The following RAB6A variants were observed in gnomAD, a reference collection of about 807,000 sequenced individuals.
The protein encoded by RAB6A is RAB6A, member RAS oncogene family, also known as ras-related protein Rab-6A.
In RAB6A, 8 loss-of-function variants were observed where a neutral mutation model predicts 32.3. The ratio of observed to expected loss-of-function variants is 0.25; its 90% CI spans 0.15 to 0.45. The LOEUF (loss-of-function observed/expected upper bound fraction) is 0.45, where lower values mean the gene tolerates loss of function less well. Among genes scored for constraint, RAB6A ranks in the 20% least tolerant of loss-of-function variants. The probability of loss-of-function intolerance (pLI) is 1.00; values close to 1 mark genes in which losing one functional copy is unlikely to be tolerated. For missense variants in RAB6A, 104 were observed against 249.4 expected, an observed-to-expected ratio of 0.42 and a Z score of 3.93; for synonymous variants, 73 against 82.1, an observed-to-expected ratio of 0.89 and a Z score of 0.60.
At chr11:73,760,165 G>T (rs1565385348) in intron 1 of RAB6A, 1 of 1,211,320 alleles carries the variant, frequency 8.3e-7, no homozygotes, top group Admixed American at 2.3e-5. Flanking sequence ...TTCCCTGAGT[G>T]GGCCTCACAG....
rs539361104 is a variant in RAB6A at position 73,725,474 on chromosome 11, G to T, written c.130-4575C>A. ...AGACTGGGTAATTTATAAAGAAAAG[G>T]AGGTTTAATGGACTTGCAGTTCCAC... On this transcript the variant is annotated intron_variant, in intron 2 of 7. Transcript: ENST00000336083. Among the ~76,000 whole-genome samples, 8 of 152,338 alleles carry T rather than the reference G, an allele frequency of 5.3e-5. No homozygotes were observed. The East Asian group carries it at 1.3e-3, about 26-fold the overall frequency.
intron 1 of RAB6A, among the ~76,000 whole-genome samples, chr11:73,732,797 C>T (rs1946337058): frequency 6.6e-6 from 1 of 151,906 alleles, no homozygotes; most frequent in African/African-American, 2.4e-5. Context: ...AGGCAGCTAT[C>T]CTTTCTCCTC....
chr11:73,743,053 C>T (rs529311470), intron 1 of RAB6A, among the ~76,000 whole-genome samples: 1 of 152,154 alleles, frequency 6.6e-6, no homozygotes, highest in Admixed American at 6.5e-5. Context: ...CCTGTAATCC[C>T]AGCACTTTGG....
At position 73,727,911 on chromosome 11, in the gene RAB6A, G is replaced by A. The variant is rs571421730; in HGVS notation, c.129+2854C>T. Among the ~76,000 whole-genome samples, 153 of 152,228 alleles carry A rather than the reference G, an allele frequency of 1.0e-3. 1 individual carries two copies. Among genetic ancestry groups the A allele is most frequent in the Non-Finnish European group, 6.5e-4 (44 of 68,002 alleles). ...TCTATAGAATGACAAATGAAATCAA[G>A]TTTTTATGCTAACTACAATACATAT... On this transcript the variant is annotated intron_variant, in intron 2 of 7. Coordinates refer to ENST00000336083, the MANE Select transcript of RAB6A (RefSeq NM_198896.2).
intron 3 of RAB6A, among the ~76,000 whole-genome samples, chr11:73,720,089 G>C (rs979841692): frequency 2.6e-5 from 4 of 151,890 alleles, no homozygotes; most frequent in Non-Finnish European, 4.4e-5. Context: ...CTCTTCAAGG[G>C]GTAGTGGGCT....
chr11:73,743,214 A>T (rs1434296830), intron 1 of RAB6A, among the ~76,000 whole-genome samples: 3 of 151,512 alleles, frequency 2.0e-5, no homozygotes, highest in Non-Finnish European at 4.4e-5. Context: ...CTGAGGCAGG[A>T]GAACTACTTG....
intron 6 of RAB6A, among the ~76,000 whole-genome samples, chr11:73,702,737 A>C (rs906067146): frequency 6.6e-6 from 1 of 152,234 alleles, no homozygotes; most frequent in Middle Eastern, 3.2e-3. Flanking sequence ...ACATATTTCC[A>C]TATCTTCATT....
At chr11:73,730,333 T>C (rs1422071812) in intron 2 of RAB6A, 1 of 154,058 alleles carries the variant, frequency 6.5e-6, no homozygotes, top group African/African-American at 2.4e-5. Flanking sequence ...TGTGATTTCA[T>C]CTTTGACATT....
At chr11:73,727,859 C>A (rs1565367939) in intron 2 of RAB6A, among the ~76,000 whole-genome samples, 1 of 152,036 alleles carries the variant, frequency 6.6e-6, no homozygotes, top group Admixed American at 6.5e-5. Flanking sequence ...AAAGACAAAG[C>A]AATTGAAATC....
At chr11:73,759,791 G>A (rs1250511548) in intron 1 of RAB6A, among the ~76,000 whole-genome samples, 1 of 152,172 alleles carries the variant, frequency 6.6e-6, no homozygotes, top group Non-Finnish European at 1.5e-5. Context: ...ATAGCATCTG[G>A]CAGAGATTGA....
In RAB6A at chr11:73,679,673, C is replaced by T. The variant is rs1945323246; in HGVS notation, c.543G>A (p.Gln181=). 1.2e-6 allele frequency: 2 copies of T among 1,613,968 alleles called. No homozygotes were observed. The highest frequency in any genetic ancestry group is 1.1e-5 in the South Asian group (1 of 91,088). ...GGATACTATCTTCTCTGCTTCTGTC[C>T]TGTGTGCTTTCCATTCCCGGCAAAG... The part of the protein sequence containing the change: ...AAALPGMEST[Q]DRSREDMIDI... Residue 181 remains glutamine (Q), a synonymous_variant, in exon 7 of 8, where the codon CAG becomes CAA. Transcript: ENST00000336083.
At chr11:73,740,584 AT>A (rs199888232) in intron 1 of RAB6A, among the ~76,000 whole-genome samples, 2 of 147,052 alleles carry the variant, frequency 1.4e-5, no homozygotes, top group Non-Finnish European at 3.0e-5. Flanking sequence ...CCTAAAGTTA[AT>A]TTAAAAAAAA....
At chr11:73,711,019 A>G (rs917860336) in intron 5 of RAB6A, among the ~76,000 whole-genome samples, 1 of 151,886 alleles carries the variant, frequency 6.6e-6, no homozygotes, top group Non-Finnish European at 1.5e-5. Context: ...ACTAATTGGG[A>G]CTCAAAGGCT....
intron 1 of RAB6A, chr11:73,759,932 C>A (rs749067129): frequency 9.9e-5 from 89 of 900,666 alleles, no homozygotes; most frequent in Non-Finnish European, 1.3e-4. Flanking sequence ...ACCCCTTTCA[C>A]CCCCAACCAC....
At chr11:73,690,386 T>C (rs1419857730) in intron 6 of RAB6A, among the ~76,000 whole-genome samples, 1 of 152,092 alleles carries the variant, frequency 6.6e-6, no homozygotes, top group African/African-American at 2.4e-5. Flanking sequence ...TCCTGTCTAA[T>C]AAAATCTTTT....
intron 6 of RAB6A, among the ~76,000 whole-genome samples, chr11:73,690,555 C>CAT (rs1945534838): frequency 6.8e-6 from 1 of 147,520 alleles, no homozygotes. Context: ...CCAGCTAATT[C>CAT]TTTTTTTTTT....
At chr11:73,703,081 G>A (rs1008627764) in intron 6 of RAB6A, among the ~76,000 whole-genome samples, 3 of 151,306 alleles carry the variant, frequency 2.0e-5, no homozygotes, top group Admixed American at 2.0e-4. Context: ...CTCAGCCTCC[G>A]AAAGTGCTGG....
chr11:73,733,763 G>A lies in RAB6A; in HGVS notation c.71-2940C>T, dbSNP rs1379180794. Among the ~76,000 whole-genome samples, 5 of 151,952 alleles carry A rather than the reference G, an allele frequency of 3.3e-5. No homozygotes were observed. The East Asian group carries it at 5.8e-4, about 18-fold the overall frequency. On this transcript the variant is annotated intron_variant, in intron 1 of 7. Transcript: ENST00000336083. ...ATTTATATGACGTTCAAAACTGGTA[G>A]AATTAATGCTGATAGAAGTCAAGAA...
At chr11:73,706,678 A>C (rs915717801) in intron 6 of RAB6A, among the ~76,000 whole-genome samples, 17 of 152,076 alleles carry the variant, frequency 1.1e-4, no homozygotes, top group African/African-American at 3.9e-4. Flanking sequence ...GCCCTCCCCC[A>C]AAAAGACCTG....
Sources: gnomAD v4.1 joint callset for allele counts (sites outside exome capture counted in the v4.1 genomes callset) on GRCh38, gnomAD v4.1.1 for gene constraint, MANE v1.5 for transcripts, NCBI Gene and HGNC (gene_info 2026-07-23, HGNC 2026-07-21) for gene names.